Variants in CDH8 observed in about 807,000 individuals in gnomAD.
CDH8 encodes the protein cadherin 8, also known as cadherin-8.
In CDH8, 17 loss-of-function variants were observed where a neutral mutation model predicts 68.1. The observed-to-expected ratio is 0.25, with a 90% CI of 0.17 to 0.37. The LOEUF (loss-of-function observed/expected upper bound fraction) is 0.37, where lower values mean the gene tolerates loss of function less well. CDH8 is among the 10% of genes least tolerant of loss of function. The probability of loss-of-function intolerance (pLI) is 1.00; values close to 1 mark genes in which losing one functional copy is unlikely to be tolerated. For synonymous variants in CDH8, 372 were observed against 365.1 expected, an observed-to-expected ratio of 1.02 and a Z score of -0.21; for missense variants, 763 against 999.3, an observed-to-expected ratio of 0.76 and a Z score of 3.19.
rs149244985 is a variant in CDH8, at chr16:61,682,186, T to C, written c.1655-26465A>G. On this transcript the variant is annotated intron_variant, in intron 10 of 11. Transcript: ENST00000577390. ...GTAGAGTTATAGCATTTTCCTTTTATAATAAGTCATTGAAGATTGAAAACA... is the reference window on the plus strand; with the variant it reads ...GTAGAGTTATAGCATTTTCCTTTTACAATAAGTCATTGAAGATTGAAAACA... 2.4e-4 allele frequency among the ~76,000 whole-genome samples: 37 copies of C among 152,104 alleles called. No individual in the cohort carries two copies. The East Asian group carries it at 3.5e-3, about 14-fold the overall frequency.
chr16:61,771,808 T>C (rs929144408), intron 8 of CDH8, among the ~76,000 whole-genome samples: 5 of 152,014 alleles, frequency 3.3e-5, no homozygotes, highest in Non-Finnish European at 7.4e-5. Flanking sequence ...ATAAATTATA[T>C]AGGTCGAGGA....
intron 3 of CDH8, among the ~76,000 whole-genome samples, chr16:61,869,500 T>G (rs546918583): frequency 2.6e-5 from 4 of 152,306 alleles, no homozygotes; most frequent in South Asian, 2.1e-4. Context: ...TTATAGTACA[T>G]GAACAATGTA....
chr16:61,661,743 A>G (rs914043228), intron 10 of CDH8, among the ~76,000 whole-genome samples: 25 of 151,936 alleles, frequency 1.6e-4, no homozygotes, highest in Admixed American at 1.6e-3. Context: ...GGATTTAAAG[A>G]GCAAATTAGT....
At chr16:61,863,372 A>G (rs1327108619) in intron 3 of CDH8, among the ~76,000 whole-genome samples, 2 of 152,246 alleles carry the variant, frequency 1.3e-5, no homozygotes, top group Non-Finnish European at 2.9e-5. Context: ...ACCATCAAAG[A>G]TGCTACACTG....
intron 1 of CDH8, among the ~76,000 whole-genome samples, chr16:62,030,278 G>A (rs985174600): frequency 1.2e-4 from 18 of 152,232 alleles, no homozygotes; most frequent in South Asian, 6.2e-4. Flanking sequence ...TCCAAAATAC[G>A]TATACAATCT....
intron 1 of CDH8, among the ~76,000 whole-genome samples, chr16:62,024,451 A>C (rs1902147816): frequency 6.6e-6 from 1 of 152,118 alleles, no homozygotes. Context: ...AGGATAAGAA[A>C]ATTTCATCTA....
chr16:61,944,877 CA>C (rs1243624457), intron 2 of CDH8, among the ~76,000 whole-genome samples: 1 of 151,098 alleles, frequency 6.6e-6, no homozygotes, highest in Non-Finnish European at 1.5e-5. Context: ...GTCAATAATG[CA>C]AAAACAGAAA....
intron 4 of CDH8, among the ~76,000 whole-genome samples, chr16:61,840,479 C>T (rs1446245694): frequency 1.3e-5 from 2 of 152,088 alleles, no homozygotes; most frequent in African/African-American, 2.4e-5. Flanking sequence ...CTTACCCAGC[C>T]CCTAGAAAAA....
intron 8 of CDH8, among the ~76,000 whole-genome samples, chr16:61,745,549 G>T (rs533505887): frequency 1.4e-5 from 2 of 145,384 alleles, no homozygotes; most frequent in Admixed American, 6.8e-5. Context: ...TTTTACTATT[G>T]TTTTCTTTCT....
chr16:61,797,096 T>C (rs1293491648), intron 7 of CDH8, among the ~76,000 whole-genome samples: 1 of 152,100 alleles, frequency 6.6e-6, no homozygotes, highest in Non-Finnish European at 1.5e-5. Context: ...TTTCTGTGTG[T>C]GTGTGTGGAC....
intron 10 of CDH8, among the ~76,000 whole-genome samples, chr16:61,698,976 AC>A (rs1964375279): frequency 6.6e-6 from 1 of 152,086 alleles, no homozygotes; most frequent in Non-Finnish European, 1.5e-5. Context: ...ATTTATTTGA[AC>A]CCTTTTATAC....
chr16:61,691,332 C>T (rs952352488), intron 10 of CDH8, among the ~76,000 whole-genome samples: 8 of 151,896 alleles, frequency 5.3e-5, no homozygotes, highest in Non-Finnish European at 8.8e-5. Context: ...CACTATCAAG[C>T]TCTGTGGTTT....
intron 8 of CDH8, among the ~76,000 whole-genome samples, chr16:61,746,854 T>C (rs1048292616): frequency 4.6e-5 from 7 of 152,106 alleles, no homozygotes; most frequent in Non-Finnish European, 4.4e-5. Flanking sequence ...CAGTAAATTC[T>C]GCATTTATTG....
chr16:61,856,454 A>G (rs1172388886), intron 4 of CDH8, among the ~76,000 whole-genome samples: 1 of 152,136 alleles, frequency 6.6e-6, no homozygotes, highest in Admixed American at 6.6e-5. Flanking sequence ...TTATAAAGCT[A>G]TTTTTTAACC....
intron 2 of CDH8, among the ~76,000 whole-genome samples, chr16:61,922,822 T>A (rs991400236): frequency 6.6e-5 from 10 of 152,232 alleles, no homozygotes; most frequent in African/African-American, 2.4e-4. Flanking sequence ...CTAAAATTTA[T>A]AAATCACATA....
intron 2 of CDH8, among the ~76,000 whole-genome samples, chr16:61,971,805 GTCACTTTGGAGA>G (rs1330495251): frequency 1.3e-5 from 2 of 151,976 alleles, no homozygotes; most frequent in Non-Finnish European, 2.9e-5. Context: ...ACAAAAAGAC[GTCACTTTGGAGA>G]TTTCAAGGAG....
chr16:61,745,844 T>G (rs1007644664), intron 8 of CDH8, among the ~76,000 whole-genome samples: 15 of 152,080 alleles, frequency 9.9e-5, no homozygotes, highest in African/African-American at 3.4e-4. Context: ...GTCTTTTTTC[T>G]GACTGTTGCA....
intron 10 of CDH8, among the ~76,000 whole-genome samples, chr16:61,707,254 A>G (rs896671776): frequency 1.3e-5 from 2 of 152,208 alleles, no homozygotes; most frequent in Middle Eastern, 3.2e-3. Context: ...GAAACTATTT[A>G]TTATCACCAA....
At chr16:61,818,337 A>C (rs1962128093) in intron 6 of CDH8, among the ~76,000 whole-genome samples, 1 of 152,162 alleles carries the variant, frequency 6.6e-6, no homozygotes, top group Non-Finnish European at 1.5e-5. Flanking sequence ...ACATTCTTAG[A>C]GACTCTCTAT....
Sources: gnomAD v4.1 joint callset for allele counts (sites outside exome capture counted in the v4.1 genomes callset) on GRCh38, gnomAD v4.1.1 for gene constraint, MANE v1.5 for transcripts, NCBI Gene and HGNC (gene_info 2026-07-23, HGNC 2026-07-21) for gene names.